Variants in TLE4 observed in about 807,000 individuals in gnomAD.
TLE4 encodes transducin-like enhancer protein 4.
TLE4 carries 8 observed loss-of-function variants against 92.8 expected under a neutral mutation model. The ratio of observed to expected loss-of-function variants is 0.09; its 90% CI spans 0.05 to 0.16. The LOEUF is 0.16. TLE4 is among the 10% of genes least tolerant of loss of function. The probability of loss-of-function intolerance (pLI) is 1.00; values close to 1 mark genes in which losing one functional copy is unlikely to be tolerated. For synonymous variants in TLE4, 371 were observed against 374.1 expected (o/e 0.99, Z 0.10); for missense variants, 675 against 997.6 (o/e 0.68, Z 4.36).
chr9:79,709,517 T>A, intron 13 of TLE4, 106 bp from the exon 14 acceptor site: 2 of 909,960 alleles, frequency 2.2e-6, no homozygotes, highest in South Asian at 3.3e-5. Context: ...AAAACCTTAT[T>A]TTTAAAGGAT....
intron 8 of TLE4, among the ~76,000 whole-genome samples, chr9:79,665,749 T>G (rs1253472365): frequency 6.6e-6 from 1 of 152,252 alleles, no homozygotes; most frequent in Non-Finnish European, 1.5e-5. Flanking sequence ...TTTTTGGCAC[T>G]TGAATACCCT....
intron 14 of TLE4, among the ~76,000 whole-genome samples, chr9:79,711,545 A>C (rs1379648901): frequency 6.6e-6 from 1 of 152,154 alleles, no homozygotes; most frequent in African/African-American, 2.4e-5. Flanking sequence ...GGTAACCAAC[A>C]GTTGTACCCA....
intron 8 of TLE4, among the ~76,000 whole-genome samples, chr9:79,680,706 G>A (rs373376423): frequency 6.6e-6 from 1 of 152,128 alleles, no homozygotes; most frequent in East Asian, 1.9e-4. Flanking sequence ...TCTTGTGCCA[G>A]TTTTCAAAGG....
chr9:79,660,744 G>A (rs1473089637), intron 8 of TLE4, among the ~76,000 whole-genome samples: 1 of 152,204 alleles, frequency 6.6e-6, no homozygotes, highest in Non-Finnish European at 1.5e-5. Flanking sequence ...CTAGAAAAAT[G>A]TGTGGTAATT....
chr9:79,720,004 C>T (rs1209635698), intron 15 of TLE4, 42 bp from the exon 16 acceptor site: 5 of 1,563,266 alleles, frequency 3.2e-6, no homozygotes, highest in African/African-American at 1.4e-5. Context: ...TGCTGTTTTC[C>T]TTTCCTCATG....
chr9:79,684,990 G>A (rs931066337), intron 8 of TLE4, among the ~76,000 whole-genome samples: 4 of 152,158 alleles, frequency 2.6e-5, no homozygotes, highest in African/African-American at 7.2e-5. Context: ...TGGCACATGC[G>A]TCATGGTTGG....
chr9:79,584,318 C>T (rs1280972402), intron 4 of TLE4, among the ~76,000 whole-genome samples: 2 of 152,208 alleles, frequency 1.3e-5, no homozygotes, highest in Non-Finnish European at 2.9e-5. Context: ...GCTCCTCCCT[C>T]CCCTCCCTTC....
intron 4 of TLE4, among the ~76,000 whole-genome samples, chr9:79,594,181 CAA>C (rs1391023453): frequency 6.6e-5 from 10 of 152,178 alleles, no homozygotes; most frequent in Admixed American, 6.5e-4. Flanking sequence ...AATGTGCATA[CAA>C]ATCACTGAAA....
At chr9:79,648,641 G>T (rs1468754309) in intron 6 of TLE4, among the ~76,000 whole-genome samples, 1 of 152,222 alleles carries the variant, frequency 6.6e-6, no homozygotes, top group Non-Finnish European at 1.5e-5. Flanking sequence ...TAATCAGCAT[G>T]TGAGGTGATG....
chr9:79,677,157 TATTAAAAG>T (rs1487963468), intron 8 of TLE4, among the ~76,000 whole-genome samples: 1 of 152,176 alleles, frequency 6.6e-6, no homozygotes, highest in Non-Finnish European at 1.5e-5. Flanking sequence ...CTTATTGGGT[TATTAAAAG>T]ATTAAATGAG....
chr9:79,625,886 A>AAAAT (rs777790466), intron 5 of TLE4, among the ~76,000 whole-genome samples: 1 of 149,326 alleles, frequency 6.7e-6, no homozygotes, highest in African/African-American at 2.4e-5. Context: ...ATATTTATAT[A>AAAAT]AAATAAATAA....
At chr9:79,682,557 C>T (rs906744941) in intron 8 of TLE4, among the ~76,000 whole-genome samples, 1 of 152,000 alleles carries the variant, frequency 6.6e-6, no homozygotes, top group African/African-American at 2.4e-5. Context: ...TTGTAGTAGT[C>T]GTTTGTCATA....
rs573317320 is a variant in TLE4 at position 79,623,738 on chromosome 9, A to G, written c.316-3636A>G. ...TTTTTAGAATTTTTTTAAAATTGTAAAGTACAGCATTTTAAAGAATAAATA... is the reference window on the plus strand; with the variant it reads ...TTTTTAGAATTTTTTTAAAATTGTAGAGTACAGCATTTTAAAGAATAAATA... On this transcript the variant is annotated intron_variant, in intron 5 of 19. Transcript: ENST00000376552. Among the ~76,000 whole-genome samples, 405 of 150,416 alleles carry G rather than the reference A, an allele frequency of 2.7e-3. 1 individual carries two copies. Among genetic ancestry groups the G allele is most frequent in the Non-Finnish European group, 4.7e-3 (321 of 67,746 alleles).
intron 4 of TLE4, among the ~76,000 whole-genome samples, chr9:79,577,900 T>C (rs1424980720): frequency 6.6e-6 from 1 of 152,212 alleles, no homozygotes; most frequent in Admixed American, 6.5e-5. Flanking sequence ...TTACACATTT[T>C]ATACTGCTAT....
chr9:79,601,499 G>A (rs996313575), intron 4 of TLE4: 1 of 453,822 alleles, frequency 2.2e-6, no homozygotes, highest in African/African-American at 2.0e-5. Context: ...GTGTCTCTGT[G>A]TCACATTTTG....
At chr9:79,704,644 C>T in intron 8 of TLE4, 139 bp from the exon 9 acceptor site, 1 of 1,142,200 alleles carries the variant, frequency 8.8e-7, no homozygotes, top group Non-Finnish European at 1.2e-6. Flanking sequence ...GTCTCCTCCG[C>T]TTTCTCCTAT....
chr9:79,692,466 C>A (rs769588761), intron 8 of TLE4, among the ~76,000 whole-genome samples: 8 of 152,192 alleles, frequency 5.3e-5, no homozygotes, highest in Non-Finnish European at 1.2e-4. Flanking sequence ...GAGACTTGGC[C>A]ATTGCCTTTT....
At chr9:79,643,110 CTTAT>C (rs2057481262) in intron 6 of TLE4, among the ~76,000 whole-genome samples, 2 of 152,206 alleles carry the variant, frequency 1.3e-5, no homozygotes, top group Admixed American at 1.3e-4. Context: ...AAGGGCACAT[CTTAT>C]TTTCCCAGCC....
At chr9:79,588,085 G>T (rs1195451934) in intron 4 of TLE4, among the ~76,000 whole-genome samples, 1 of 151,740 alleles carries the variant, frequency 6.6e-6, no homozygotes, top group African/African-American at 2.4e-5. Flanking sequence ...TGAACCACTG[G>T]CAATAAATGT....
Sources: gnomAD v4.1 joint callset for allele counts (sites outside exome capture counted in the v4.1 genomes callset) on GRCh38, gnomAD v4.1.1 for gene constraint, MANE v1.5 for transcripts, NCBI Gene and HGNC (gene_info 2026-07-23, HGNC 2026-07-21) for gene names.